The following KLHL1 variants were observed in gnomAD, a reference collection of about 807,000 sequenced individuals.
The protein encoded by KLHL1 is kelch-like protein 1.
A neutral mutation model predicts 77.7 loss-of-function variants in KLHL1; 47 were observed. That is an observed-to-expected ratio of 0.60 (90% confidence interval 0.48 to 0.77). The LOEUF (loss-of-function observed/expected upper bound fraction) is 0.77. Among genes scored for constraint, KLHL1 ranks in the 30% least tolerant of loss-of-function variants. KLHL1 has a pLI of 0.00. For synonymous variants in KLHL1, 360 were observed against 325.2 expected (o/e 1.11, Z -1.15); for missense variants, 925 against 910.8 (o/e 1.02, Z -0.20).
At chr13:69,824,915 A>G (rs61965335) in intron 6 of KLHL1, among the ~76,000 whole-genome samples, 3 of 151,940 alleles carry the variant, frequency 2.0e-5, no homozygotes, top group Admixed American at 6.6e-5. Flanking sequence ...TGCCTAAAAT[A>G]TCTAAAAAAA....
At chr13:69,816,572 T>C (rs1235851567) in intron 6 of KLHL1, among the ~76,000 whole-genome samples, 1 of 152,126 alleles carries the variant, frequency 6.6e-6, no homozygotes, top group Non-Finnish European at 1.5e-5. Context: ...AGTTGAATTT[T>C]TTATATGTAA....
chr13:69,743,183 CTT>C (rs1228450082), intron 7 of KLHL1, among the ~76,000 whole-genome samples: 1 of 152,068 alleles, frequency 6.6e-6, no homozygotes, highest in African/African-American at 2.4e-5. Context: ...ATTTAATAAA[CTT>C]AATAAATTTG....
At chr13:69,965,875 T>A (rs1382449847) in intron 2 of KLHL1, among the ~76,000 whole-genome samples, 1 of 152,042 alleles carries the variant, frequency 6.6e-6, no homozygotes, top group Non-Finnish European at 1.5e-5. Flanking sequence ...AGGCCCTAAC[T>A]CTCTTCAATT....
At chr13:69,896,652 T>C (rs1314892280) in intron 4 of KLHL1, among the ~76,000 whole-genome samples, 2 of 151,720 alleles carry the variant, frequency 1.3e-5, no homozygotes, top group Non-Finnish European at 2.9e-5. Flanking sequence ...GGGATGGCTT[T>C]ACCGTCAAAG....
intron 1 of KLHL1, among the ~76,000 whole-genome samples, chr13:70,093,871 C>T (rs1164678724): frequency 6.6e-6 from 1 of 152,100 alleles, no homozygotes; most frequent in Non-Finnish European, 1.5e-5. Flanking sequence ...TCTTATTATA[C>T]ACTTTATCAA....
chr13:69,918,654 C>T (rs1566400990), intron 4 of KLHL1, among the ~76,000 whole-genome samples: 2 of 152,032 alleles, frequency 1.3e-5, no homozygotes, highest in Non-Finnish European at 2.9e-5. Flanking sequence ...TTACAGTCTT[C>T]CTTAACAAGA....
At chr13:69,996,849 T>C (rs1885164754) in intron 1 of KLHL1, among the ~76,000 whole-genome samples, 1 of 151,372 alleles carries the variant, frequency 6.6e-6, no homozygotes, top group African/African-American at 2.4e-5. Context: ...TGAAAGTAAG[T>C]ATACAAATTT....
chr13:69,832,829 C>G (rs1393291519), intron 6 of KLHL1, among the ~76,000 whole-genome samples: 1 of 152,016 alleles, frequency 6.6e-6, no homozygotes, highest in Non-Finnish European at 1.5e-5. Flanking sequence ...TGATCTTTGA[C>G]AAAGGAAACA....
At chr13:69,829,922 G>C in intron 6 of KLHL1, among the ~76,000 whole-genome samples, 1 of 150,038 alleles carries the variant, frequency 6.7e-6, no homozygotes, top group East Asian at 1.9e-4. Context: ...GCACTGCCAA[G>C]CCAGCACTAC....
chr13:69,982,231 T>A (rs958618311), intron 1 of KLHL1, among the ~76,000 whole-genome samples: 3 of 151,650 alleles, frequency 2.0e-5, no homozygotes, highest in Non-Finnish European at 4.4e-5. Context: ...TTCAGGAGTT[T>A]GAGACCAGCC....
At chr13:69,715,304 C>T (rs1018569597) in intron 9 of KLHL1, among the ~76,000 whole-genome samples, 19 of 151,918 alleles carry the variant, frequency 1.3e-4, no homozygotes, top group African/African-American at 4.4e-4. Flanking sequence ...GGTGGTTTCC[C>T]CCATGCTATT....
Position 69,736,207 on chromosome 13 carries a change from C to T in KLHL1, c.1802+4187G>A, listed in dbSNP as rs1873754715. Among the ~76,000 whole-genome samples the T allele has an allele frequency of 1.3e-5, 2 of 151,802 alleles. 1 individual carries two copies. The highest frequency in any genetic ancestry group is 4.1e-4 in the South Asian group (2 of 4,822). On this transcript the variant is annotated intron_variant, in intron 8 of 10. Transcript: ENST00000377844. ...AATTAGCAAGAAAGAAACAAACAAT[C>T]CCATTAAAAATTGGGCTAAGGACAT...
At chr13:70,099,501 A>T (rs1427018653) in intron 1 of KLHL1, among the ~76,000 whole-genome samples, 1 of 152,000 alleles carries the variant, frequency 6.6e-6, no homozygotes, top group Admixed American at 6.6e-5. Flanking sequence ...TCAGCATCAA[A>T]TTCTGTAAAG....
At chr13:69,939,376 T>TACAC (rs1289855592) in intron 4 of KLHL1, among the ~76,000 whole-genome samples, 54 of 48,500 alleles carry the variant, frequency 1.1e-3, no homozygotes, top group Non-Finnish European at 2.0e-3. Context: ...TATATATATA[T>TACAC]ATACACACAC....
chr13:69,780,478 T>G (rs1876084182), intron 7 of KLHL1, among the ~76,000 whole-genome samples: 1 of 151,732 alleles, frequency 6.6e-6, no homozygotes, highest in Non-Finnish European at 1.5e-5. Flanking sequence ...GTGTCTGCAC[T>G]AAAACAAGTA....
At chr13:69,769,795 G>A (rs1391288207) in intron 7 of KLHL1, among the ~76,000 whole-genome samples, 1 of 151,930 alleles carries the variant, frequency 6.6e-6, no homozygotes, top group East Asian at 2.0e-4. Flanking sequence ...ATTCTTCCCT[G>A]CCTTGCTCAC....
intron 2 of KLHL1, among the ~76,000 whole-genome samples, chr13:69,963,885 C>A (rs984806022): frequency 3.1e-4 from 45 of 147,520 alleles, no homozygotes; most frequent in Non-Finnish European, 4.4e-4. Context: ...AATAAAAAAA[C>A]ATACACAGCT....
chr13:69,782,172 T>C (rs2138006901), intron 7 of KLHL1, among the ~76,000 whole-genome samples: 1 of 152,274 alleles, frequency 6.6e-6, no homozygotes, highest in East Asian at 1.9e-4. Context: ...GAAAATATAG[T>C]ATTGGCTGGG....
At chr13:69,933,060 C>A (rs1372936974) in intron 4 of KLHL1, among the ~76,000 whole-genome samples, 1 of 151,952 alleles carries the variant, frequency 6.6e-6, no homozygotes, top group Non-Finnish European at 1.5e-5. Context: ...TAGTTCTTTT[C>A]AACATTAAAC....
Sources: allele counts gnomAD v4.1 joint callset (sites outside exome capture counted in the v4.1 genomes callset), GRCh38; gene constraint gnomAD v4.1.1; transcripts MANE v1.5; gene names NCBI Gene and HGNC (gene_info 2026-07-23, HGNC 2026-07-21).